The following DLGAP2 variants were observed in gnomAD, a reference collection of about 807,000 sequenced individuals.
DLGAP2 encodes DLG associated protein 2.
In DLGAP2, 26 loss-of-function variants were observed where a neutral mutation model predicts 100.3. The ratio of observed to expected loss-of-function variants is 0.26; its 90% CI spans 0.19 to 0.36. The LOEUF is 0.36. Ranked by LOEUF, DLGAP2 falls within the 10% of genes least tolerant of loss-of-function variation. DLGAP2 has a pLI of 1.00. For synonymous variants in DLGAP2, 886 were observed against 630.1 expected (o/e 1.41, Z -6.08); for missense variants, 1,858 against 1,453.2 (o/e 1.28, Z -4.53).
At chr8:1,121,642 G>C (rs1446576567) in intron 2 of DLGAP2, among the ~76,000 whole-genome samples, 1 of 151,552 alleles carries the variant, frequency 6.6e-6, no homozygotes, top group Non-Finnish European at 1.5e-5. Context: ...CAGAACCCCT[G>C]ATCACCCATC....
chr8:1,582,343 T>A, intron 6 of DLGAP2, among the ~76,000 whole-genome samples: 3 of 150,182 alleles, frequency 2.0e-5, no homozygotes, highest in East Asian at 2.0e-4. Context: ...GAAAGAAAAT[T>A]ATAGACCATT....
intron 6 of DLGAP2, among the ~76,000 whole-genome samples, chr8:1,572,173 G>A (rs1367041835): frequency 8.1e-5 from 10 of 124,032 alleles, no homozygotes; most frequent in Non-Finnish European, 1.2e-4. Context: ...AACTGTGGGG[G>A]TGTCTGATGA....
At chr8:1,361,884 G>C (rs891718018) in intron 3 of DLGAP2, among the ~76,000 whole-genome samples, 1 of 152,160 alleles carries the variant, frequency 6.6e-6, no homozygotes, top group Non-Finnish European at 1.5e-5. Flanking sequence ...CATTTCCGCT[G>C]GTTCTGTGCT....
At chr8:1,227,054 C>T (rs1023695500) in intron 2 of DLGAP2, among the ~76,000 whole-genome samples, 1 of 148,668 alleles carries the variant, frequency 6.7e-6, no homozygotes, top group African/African-American at 2.6e-5. Flanking sequence ...TATATCTGCA[C>T]TCCCTGTTCA....
At chr8:1,496,799 C>T (rs1010351661) in intron 3 of DLGAP2, among the ~76,000 whole-genome samples, 29 of 152,192 alleles carry the variant, frequency 1.9e-4, no homozygotes, top group Non-Finnish European at 1.3e-4. Flanking sequence ...ACCGCACACG[C>T]CATCCGCACG....
At chr8:1,313,439 A>C (rs1386555392) in intron 3 of DLGAP2, among the ~76,000 whole-genome samples, 2 of 152,110 alleles carry the variant, frequency 1.3e-5, no homozygotes, top group Non-Finnish European at 2.9e-5. Context: ...CTATGCTCTC[A>C]CCTATAATCT....
At chr8:874,440 T>TC (rs1797653491) in intron 1 of DLGAP2, among the ~76,000 whole-genome samples, 1 of 151,920 alleles carries the variant, frequency 6.6e-6, no homozygotes, top group African/African-American at 2.4e-5. Flanking sequence ...CTAATTTCCT[T>TC]TGGGATTTGT....
intron 2 of DLGAP2, among the ~76,000 whole-genome samples, chr8:1,134,898 C>T (rs1313192905): frequency 2.0e-5 from 3 of 152,186 alleles, no homozygotes; most frequent in Non-Finnish European, 2.9e-5. Flanking sequence ...AATCCCCTCC[C>T]GCCAGGTCTC....
At chr8:1,443,676 C>G (rs1002772572) in intron 3 of DLGAP2, among the ~76,000 whole-genome samples, 30 of 152,166 alleles carry the variant, frequency 2.0e-4, no homozygotes, top group African/African-American at 7.2e-4. Context: ...GAGAAGACGG[C>G]TTGTGCAGGG....
chr8:852,575 C>A (rs1797201857), intron 1 of DLGAP2, among the ~76,000 whole-genome samples: 1 of 152,204 alleles, frequency 6.6e-6, no homozygotes, highest in South Asian at 2.1e-4. Flanking sequence ...GGTAAATGAG[C>A]AAATCAACAT....
chr8:1,470,683 T>C (rs1457842350), intron 3 of DLGAP2, among the ~76,000 whole-genome samples: 1 of 152,062 alleles, frequency 6.6e-6, no homozygotes. Context: ...TTTAAGATCC[T>C]GTAGCTCCAC....
chr8:874,023 C>T (rs560458672), intron 1 of DLGAP2, among the ~76,000 whole-genome samples: 5 of 152,044 alleles, frequency 3.3e-5, no homozygotes, highest in Non-Finnish European at 7.4e-5. Context: ...TGTTCCTGTA[C>T]AATCCTTGTT....
rs539221148 is a variant in DLGAP2, at chr8:1,212,764, C to G, written c.74-46087C>G. ...CAAGACCTCTCTCTCTCTCTCTTCC[C>G]CCCCGCCCACCCCCCATGATTAGCA... On this transcript the variant is annotated intron_variant, in intron 2 of 14. Transcript: ENST00000637795. 4.2e-3 allele frequency among the ~76,000 whole-genome samples: 541 copies of G among 128,800 alleles called. 4 individuals carry two copies. Among genetic ancestry groups the G allele is most frequent in the African/African-American group, 0.014 (484 of 33,402 alleles). 84.5% of individuals were successfully genotyped at this position (128,800 alleles called of 152,430 possible). A position where few individuals can be genotyped will look rare whatever the true frequency, so the allele number is the denominator to read the frequency against.
rs1387368980 is a variant in DLGAP2, at chr8:737,735, C to T, written c.-73C>T. 5.3e-6 allele frequency: 2 copies of T among 374,964 alleles called. No individual in the cohort carries two copies. The highest frequency in any genetic ancestry group is 9.5e-6 in the Non-Finnish European group (2 of 210,604). 23.2% of individuals were successfully genotyped at this position (374,964 alleles called of 1,614,324 possible). A position where few individuals can be genotyped will look rare whatever the true frequency, so the allele number is the denominator to read the frequency against. On this transcript the variant is annotated 5_prime_UTR_variant, in exon 1 of 15. Transcript: ENST00000637795. ...CGTACTGACCCCAACCCGCGAGCCC[C>T]GGGAGCCGTCGGTCTGAGGAGGGGC... is the stretch of plus-strand genomic sequence containing the variant.
intron 3 of DLGAP2, among the ~76,000 whole-genome samples, chr8:1,357,866 G>C (rs1192178215): frequency 6.6e-6 from 1 of 152,156 alleles, no homozygotes; most frequent in Non-Finnish European, 1.5e-5. Context: ...CCCATGGGGA[G>C]GAGCAGCTGC....
At chr8:881,209 G>A (rs554651684) in intron 1 of DLGAP2, among the ~76,000 whole-genome samples, 2 of 152,182 alleles carry the variant, frequency 1.3e-5, no homozygotes, top group South Asian at 4.1e-4. Context: ...TTACTTTTCA[G>A]AAAATTAATA....
At chr8:1,429,756 T>A (rs1797355842) in intron 3 of DLGAP2, among the ~76,000 whole-genome samples, 1 of 151,248 alleles carries the variant, frequency 6.6e-6, no homozygotes, top group Non-Finnish European at 1.5e-5. Flanking sequence ...GTGCTTTCCA[T>A]TTACACATAG....
chr8:1,198,933 A>G (rs540980120), intron 2 of DLGAP2, among the ~76,000 whole-genome samples: 1 of 152,352 alleles, frequency 6.6e-6, no homozygotes, highest in Admixed American at 6.5e-5. Context: ...CGGGACCTGG[A>G]TACAGGCAGA....
intron 3 of DLGAP2, among the ~76,000 whole-genome samples, chr8:1,385,971 A>T (rs1158669363): frequency 6.6e-6 from 1 of 152,288 alleles, no homozygotes; most frequent in South Asian, 2.1e-4. Flanking sequence ...TACTGGAATC[A>T]ATGAGATCTG....
Sources: allele counts gnomAD v4.1 joint callset (sites outside exome capture counted in the v4.1 genomes callset), GRCh38; gene constraint gnomAD v4.1.1; transcripts MANE v1.5; gene names NCBI Gene and HGNC (gene_info 2026-07-23, HGNC 2026-07-21).